Variants in PRIMPOL observed in about 807,000 individuals in gnomAD.
The protein encoded by PRIMPOL is primase and DNA directed polymerase, also known as DNA-directed primase/polymerase protein.
A neutral mutation model predicts 63.6 loss-of-function variants in PRIMPOL; 54 were observed. That is an observed-to-expected ratio of 0.85 (90% CI 0.68 to 1.07). The LOEUF is 1.07. Among genes scored for constraint, PRIMPOL ranks in the 50% least tolerant of loss-of-function variants. PRIMPOL has a pLI of 0.00. For missense variants in PRIMPOL, 610 were observed against 648.3 expected (o/e 0.94, Z 0.64); for synonymous variants, 197 against 220.2 (o/e 0.89, Z 0.93).
At chr4:184,656,592 G>GA (rs1385963437) in intron 2 of PRIMPOL, among the ~76,000 whole-genome samples, 1 of 152,032 alleles carries the variant, frequency 6.6e-6, no homozygotes, top group African/African-American at 2.4e-5. Flanking sequence ...CAGAAACAGA[G>GA]GAAAAGGGAA....
chr4:184,678,383 C>A lies in PRIMPOL; in HGVS notation c.996C>A (p.Val332=). The A allele has an allele frequency of 1.9e-6, 3 of 1,602,680 alleles. No individual in the cohort carries two copies. The South Asian group carries it at 3.4e-5, about 18-fold the overall frequency. ...DEYQYFLSSL[V]SNVRFSDTLR... ...ATCAATATTTTCTCTCTTCTTTGGT[C>A]AGCAATGTCAGGTATGTAGTAGCAG... Residue 332 remains valine, a synonymous_variant, in exon 8 of 14, where the codon GTC becomes GTA. Coordinates refer to ENST00000314970, the MANE Select transcript of PRIMPOL (RefSeq NM_152683.4).
chr4:184,671,440 C>CATTATT (rs141634593), intron 6 of PRIMPOL, among the ~76,000 whole-genome samples: 7 of 151,738 alleles, frequency 4.6e-5, no homozygotes, highest in African/African-American at 2.4e-5. Flanking sequence ...CTTCATTCTT[C>CATTATT]ATTATTATTA....
intron 2 of PRIMPOL, 44 bp downstream of exon 2, chr4:184,652,144 G>C (rs968733175): frequency 1.3e-5 from 2 of 152,270 alleles, no homozygotes; most frequent in Non-Finnish European, 2.9e-5. Context: ...TTTCTGGAGT[G>C]GCTCAGGAGA....
chr4:184,655,324 C>CT (rs60487948), intron 2 of PRIMPOL, among the ~76,000 whole-genome samples: 5,144 of 131,122 alleles, frequency 0.039, 218 homozygotes, highest in African/African-American at 0.099. Context: ...CTCTCGTAAT[C>CT]TTTTTTTTTT....
chr4:184,679,066 C>T (rs1051000371), intron 8 of PRIMPOL, among the ~76,000 whole-genome samples: 6 of 152,050 alleles, frequency 3.9e-5, no homozygotes, highest in Non-Finnish European at 8.8e-5. Flanking sequence ...TATGCACATA[C>T]ATATAATTTG....
Position 184,659,408 on chromosome 4 carries a change from T to C in PRIMPOL, c.249T>C (p.Tyr83=). ...AACGTATTTACCTTGTGACAACCTA[T>C]GCTGAATTTTGGTTTTACTATAAAT... The part of the protein sequence containing the change: ...DGQRIYLVTT[Y]AEFWFYYKSR... Residue 83 remains tyrosine, a synonymous_variant, in exon 4 of 14, where the codon TAT becomes TAC. Transcript: ENST00000314970. 1.2e-6 allele frequency: 2 copies of C among 1,613,810 alleles called. No homozygotes were observed. The highest frequency in any genetic ancestry group is 1.7e-6 in the Non-Finnish European group (2 of 1,179,690).
intron 3 of PRIMPOL, 68 bp from the exon 4 acceptor site, chr4:184,659,271 CA>C: frequency 9.5e-7 from 1 of 1,052,638 alleles, no homozygotes; most frequent in Non-Finnish European, 1.5e-6. Context: ...TATGAACATT[CA>C]GTAGCTACAG....
At chr4:184,687,337 C>A (rs1757246449) in intron 11 of PRIMPOL, among the ~76,000 whole-genome samples, 1 of 152,162 alleles carries the variant, frequency 6.6e-6, no homozygotes, top group Non-Finnish European at 1.5e-5. Flanking sequence ...TCCCAAAGTG[C>A]TGGGATTACA....
In PRIMPOL at chr4:184,672,462, T is replaced by G; in HGVS notation, c.844+2T>G. 6.3e-7 allele frequency: 1 copy of G among 1,591,786 alleles called. No individual in the cohort carries two copies. The highest frequency in any genetic ancestry group is 8.5e-7 in the Non-Finnish European group (1 of 1,170,364). On this transcript the variant is annotated splice_donor_variant, in intron 7 of 13. Coordinates refer to ENST00000314970, the MANE Select transcript of PRIMPOL (RefSeq NM_152683.4). LOFTEE classifies it high-confidence loss of function. ...AGAAGCATCTTTTTGTAGATCTCGG[T>G]AAGTAAGATTGACAGCTTTCTCCAT...
At chr4:184,667,669 C>T (rs1214374317) in intron 6 of PRIMPOL, among the ~76,000 whole-genome samples, 1 of 152,194 alleles carries the variant, frequency 6.6e-6, no homozygotes, top group African/African-American at 2.4e-5. Context: ...CAGGCACATT[C>T]AGGGCAGTTA....
At chr4:184,676,291 C>T (rs553196150) in intron 7 of PRIMPOL, among the ~76,000 whole-genome samples, 2 of 142,882 alleles carry the variant, frequency 1.4e-5, no homozygotes, top group Admixed American at 6.9e-5. Context: ...ATCTTTCTTC[C>T]CTCCCCTCCC....
At position 184,659,394 on chromosome 4, in the gene PRIMPOL, C is replaced by A; in HGVS notation, c.235C>A (p.Leu79Ile). 1 of 1,613,840 alleles carries A rather than the reference C, an allele frequency of 6.2e-7. No individual in the cohort carries two copies. Among genetic ancestry groups the A allele is most frequent in the African/African-American group, 1.3e-5 (1 of 75,030 alleles). The change falls in exon 4 of 14, where the codon CTT (leucine) becomes ATT (isoleucine). Residue 79 changes from leucine (L) to isoleucine (I), a missense_variant. This residue lies in a region of PRIMPOL where 159 missense variants were observed against 168.9 expected (regional missense o/e 0.94). Transcript: ENST00000314970. Reference sequence around the variant, plus strand: ...AGTAGGAGATGGACAACGTATTTACCTTGTGACAACCTATGCTGAATTTTG... The same window carrying A: ...AGTAGGAGATGGACAACGTATTTACATTGTGACAACCTATGCTGAATTTTG... ...CKVGDGQRIY[L>I]VTTYAEFWFY...
chr4:184,685,544 T>C (rs1469490513), intron 10 of PRIMPOL, 32 bp from the exon 11 acceptor site: 7 of 1,591,342 alleles, frequency 4.4e-6, no homozygotes, highest in Non-Finnish European at 6.0e-6. Context: ...GATAGAGTGA[T>C]AGTAGCTTTA....
intron 7 of PRIMPOL, among the ~76,000 whole-genome samples, chr4:184,676,246 A>G (rs1007749738): frequency 1.3e-5 from 2 of 151,810 alleles, no homozygotes; most frequent in East Asian, 3.9e-4. Context: ...AGCTAGAACT[A>G]CAAGTGCATA....
Position 184,694,619 on chromosome 4 carries a change from CTGCTGA to C in PRIMPOL, c.1529_1534del (p.Asp510_Ala511del). ...CCTAGCAGGCTGTCAACAGGTGCAT[CTGCTGA>C]TGCTGTCTGGGATAATGGCATTGAT... On this transcript the variant is annotated inframe_deletion, in exon 14 of 14. Coordinates refer to ENST00000314970, the MANE Select transcript of PRIMPOL (RefSeq NM_152683.4). 6.2e-7 allele frequency: 1 copy of C among 1,614,152 alleles called. No individual in the cohort carries two copies. Among genetic ancestry groups the C allele is most frequent in the Non-Finnish European group, 8.5e-7 (1 of 1,179,992 alleles).
chr4:184,655,199 G>A (rs1033231143), intron 2 of PRIMPOL, among the ~76,000 whole-genome samples: 2 of 151,748 alleles, frequency 1.3e-5, no homozygotes, highest in East Asian at 3.9e-4. Context: ...TAGTAGAGAC[G>A]GGGTTTCACC....
chr4:184,687,271 A>G (rs918565683), intron 11 of PRIMPOL, among the ~76,000 whole-genome samples: 6 of 152,144 alleles, frequency 3.9e-5, no homozygotes, highest in African/African-American at 7.2e-5. Flanking sequence ...GAGTTTCACT[A>G]TGTTGGCTGG....
At chr4:184,656,074 A>G (rs1746356279) in intron 2 of PRIMPOL, among the ~76,000 whole-genome samples, 1 of 152,190 alleles carries the variant, frequency 6.6e-6, no homozygotes, top group Non-Finnish European at 1.5e-5. Flanking sequence ...CCCAGCTCAC[A>G]TATCAGACTG....
In PRIMPOL at chr4:184,665,947, G is replaced by A. The variant is rs1246286359; in HGVS notation, c.439G>A (p.Gly147Ser). 14 of 1,604,970 alleles carry A rather than the reference G, an allele frequency of 8.7e-6. No homozygotes were observed. Among genetic ancestry groups the A allele is most frequent in the East Asian group, 4.5e-5 (2 of 44,800 alleles). The change falls in exon 6 of 14, where the codon GGT (glycine) becomes AGT (serine). Residue 147 changes from glycine to serine, a missense_variant. Coordinates refer to ENST00000314970, the MANE Select transcript of PRIMPOL (RefSeq NM_152683.4). ...GTGTAAAGCACTTCAAGAGTTATACGGTGTTAATTGCTCAGCTGAAGATGT... is the reference window on the plus strand; with the variant it reads ...GTGTAAAGCACTTCAAGAGTTATACAGTGTTAATTGCTCAGCTGAAGATGT... ...YVCKALQELY[G>S]VNCSAEDVLN...
Sources: gnomAD v4.1 joint callset for allele counts (sites outside exome capture counted in the v4.1 genomes callset) on GRCh38, gnomAD v4.1.1 for gene constraint, gnomAD v4.1.1 regional missense constraint, MANE v1.5 for transcripts, NCBI Gene and HGNC (gene_info 2026-07-23, HGNC 2026-07-21) for gene names.